The following OSBPL3 variants were observed in gnomAD, a reference collection of about 807,000 sequenced individuals.
OSBPL3 encodes oxysterol binding protein like 3.
Under a neutral mutation model 120.1 loss-of-function variants are expected in OSBPL3, and 65 were observed. That is an observed-to-expected ratio of 0.54 (90% CI 0.44 to 0.67). The LOEUF is 0.67. Among genes scored for constraint, OSBPL3 ranks in the 30% least tolerant of loss-of-function variants. The probability of loss-of-function intolerance (pLI) is 0.00; values close to 1 mark genes in which losing one functional copy is unlikely to be tolerated. For synonymous variants in OSBPL3, 416 were observed against 402.6 expected, an observed-to-expected ratio of 1.03 and a Z score of -0.40; for missense variants, 1,004 against 1,082.1, an observed-to-expected ratio of 0.93 and a Z score of 1.01.
At position 24,936,636 on chromosome 7, in the gene OSBPL3, GA is replaced by G. The variant is rs1296573511; in HGVS notation, c.-150+43249del. On this transcript the variant is annotated intron_variant, in intron 1 of 22. Transcript: ENST00000313367. The surrounding 1 kb of genome is among the most constrained non-coding windows in gnomAD (Gnocchi z 4.2). Reference sequence around the variant, plus strand: ...TGGCAAAGAGAAAATGAAAATAGGGGAAAGAGTCACTCTAGTCACAGAGACT... The same window carrying G: ...TGGCAAAGAGAAAATGAAAATAGGGGAAGAGTCACTCTAGTCACAGAGACT... Among the ~76,000 whole-genome samples the G allele has an allele frequency of 1.3e-5, 2 of 152,210 alleles. No individual in the cohort carries two copies. Among genetic ancestry groups the G allele is most frequent in the African/African-American group, 2.4e-5 (1 of 41,438 alleles).
At chr7:24,886,795 C>A (rs570547602) in intron 2 of OSBPL3, among the ~76,000 whole-genome samples, 31 of 152,312 alleles carry the variant, frequency 2.0e-4, no homozygotes, top group Non-Finnish European at 3.5e-4. Context: ...GAAGGCTTCT[C>A]TCAAATCCTG....
At chr7:24,846,138 A>G (rs1584351235) in intron 12 of OSBPL3, among the ~76,000 whole-genome samples, 1 of 152,272 alleles carries the variant, frequency 6.6e-6, no homozygotes, top group Admixed American at 6.5e-5. Flanking sequence ...TCTATGCTTG[A>G]GAGAGTTATT....
At chr7:24,865,781 C>T (rs193055312) in intron 6 of OSBPL3, among the ~76,000 whole-genome samples, 39 of 152,288 alleles carry the variant, frequency 2.6e-4, no homozygotes, top group African/African-American at 8.9e-4. Context: ...CTGTAGTTTA[C>T]AACCAGAAAA....
In OSBPL3 at chr7:24,803,696, A is replaced by G. The variant is rs1233937843; in HGVS notation, c.2567+619T>C. 6.6e-6 allele frequency among the ~76,000 whole-genome samples: 1 copy of G among 152,064 alleles called. No homozygotes were observed. Among genetic ancestry groups the G allele is most frequent in the Non-Finnish European group, 1.5e-5 (1 of 67,996 alleles). On this transcript the variant is annotated intron_variant, in intron 22 of 22. Coordinates refer to ENST00000313367, the MANE Select transcript of OSBPL3 (RefSeq NM_015550.4). This position sits in a 1 kb window ranked among gnomAD's most constrained non-coding sequence, Gnocchi z 4.2. ...TGAGGCAGGAGAATCGCTTGAACCCAGGAGGTGGAGGCTGCAGTGAGTCAA... is the reference window on the plus strand; with the variant it reads ...TGAGGCAGGAGAATCGCTTGAACCCGGGAGGTGGAGGCTGCAGTGAGTCAA...
chr7:24,892,563 T>C lies in OSBPL3; in HGVS notation c.-91A>G. ...TGGAAGTCCCCAGTGGCAGGTGGTT[T>C]AGCTCTTATCCAAAGTATTTAAAAA... On this transcript the variant is annotated 5_prime_UTR_variant, in exon 2 of 23. Transcript: ENST00000313367. The C allele has an allele frequency of 6.6e-7, 1 of 1,517,846 alleles. No homozygotes were observed. Among genetic ancestry groups the C allele is most frequent in the Non-Finnish European group, 8.9e-7 (1 of 1,120,090 alleles). 94.0% of individuals were successfully genotyped at this position (1,517,846 alleles called of 1,614,324 possible). A position where few individuals can be genotyped will look rare whatever the true frequency, so the allele number is the denominator to read the frequency against.
At chr7:24,892,166 T>C (rs370520239) in intron 2 of OSBPL3, among the ~76,000 whole-genome samples, 1 of 152,166 alleles carries the variant, frequency 6.6e-6, no homozygotes, top group African/African-American at 2.4e-5. Flanking sequence ...TAAATAAAAT[T>C]ATACGAAGAA....
At chr7:24,887,779 G>A (rs1375887458) in intron 2 of OSBPL3, among the ~76,000 whole-genome samples, 1 of 152,158 alleles carries the variant, frequency 6.6e-6, no homozygotes, top group Non-Finnish European at 1.5e-5. Context: ...TCCCCTGAAT[G>A]CAGACTCAGC....
At chr7:24,950,649 G>C (rs904093206) in intron 1 of OSBPL3, among the ~76,000 whole-genome samples, 3 of 152,254 alleles carry the variant, frequency 2.0e-5, no homozygotes, top group African/African-American at 7.2e-5. Flanking sequence ...ACGAACCCAA[G>C]AGGCGAAGCT....
chr7:24,963,590 T>G (rs1816033691), intron 1 of OSBPL3, among the ~76,000 whole-genome samples: 1 of 151,930 alleles, frequency 6.6e-6, no homozygotes, highest in Non-Finnish European at 1.5e-5. Flanking sequence ...GAGATGGGAG[T>G]ACACTGAACC....
intron 5 of OSBPL3, among the ~76,000 whole-genome samples, chr7:24,869,738 T>C (rs1801843753): frequency 6.6e-6 from 1 of 152,156 alleles, no homozygotes. Context: ...TAGGAAATAG[T>C]GAAGATTTGA....
chr7:24,901,420 G>T (rs1807013942), intron 1 of OSBPL3, among the ~76,000 whole-genome samples: 1 of 152,054 alleles, frequency 6.6e-6, no homozygotes, highest in Admixed American at 6.6e-5. Flanking sequence ...CCCTTATCCT[G>T]ATTAAGAGCC....
intron 1 of OSBPL3, among the ~76,000 whole-genome samples, chr7:24,958,307 C>T (rs1005105181): frequency 6.6e-6 from 1 of 152,180 alleles, no homozygotes; most frequent in Non-Finnish European, 1.5e-5. Context: ...GTTTTAATTG[C>T]TTTTTCTAAT....
intron 1 of OSBPL3, among the ~76,000 whole-genome samples, chr7:24,970,175 T>C (rs529692590): frequency 2.4e-4 from 36 of 147,260 alleles, no homozygotes; most frequent in African/African-American, 9.0e-4. Flanking sequence ...TGGCACCATC[T>C]TGGCTGACTG....
At position 24,970,192 on chromosome 7, in the gene OSBPL3, C is replaced by A. The variant is rs1178520187; in HGVS notation, c.-150+9694G>T. Among the ~76,000 whole-genome samples, 10 of 149,604 alleles carry A rather than the reference C, an allele frequency of 6.7e-5. No individual in the cohort carries two copies. The Admixed American group carries it at 6.7e-4, about 10-fold the overall frequency. On this transcript the variant is annotated intron_variant, in intron 1 of 22. Transcript: ENST00000313367. ...GCACCATCTTGGCTGACTGCAACCTCCACCTCCCCGGTTCAAGCGATTCTT... is the reference window on the plus strand; with the variant it reads ...GCACCATCTTGGCTGACTGCAACCTACACCTCCCCGGTTCAAGCGATTCTT...
chr7:24,808,688 G>A lies in OSBPL3; in HGVS notation c.2317+1119C>T, dbSNP rs1002622747. 6.6e-6 allele frequency among the ~76,000 whole-genome samples: 1 copy of A among 152,190 alleles called. No individual in the cohort carries two copies. The highest frequency in any genetic ancestry group is 2.4e-5 in the African/African-American group (1 of 41,440). On this transcript the variant is annotated intron_variant, in intron 20 of 22. Transcript: ENST00000313367. The surrounding 1 kb of genome is among the most constrained non-coding windows in gnomAD (Gnocchi z 4.6). Reference sequence around the variant, plus strand: ...CATTTCTCTTTCTTGCTTGCTAACAGAATACTGATTCTGTTCAAATGGCAT... The same window carrying A: ...CATTTCTCTTTCTTGCTTGCTAACAAAATACTGATTCTGTTCAAATGGCAT...
At position 24,899,866 on chromosome 7, in the gene OSBPL3, C is replaced by CT. The variant is rs1806726413; in HGVS notation, c.-149-7246dup. Among the ~76,000 whole-genome samples the CT allele has an allele frequency of 6.6e-6, 1 of 152,212 alleles. No homozygotes were observed. Among genetic ancestry groups the CT allele is most frequent in the Admixed American group, 6.5e-5 (1 of 15,280 alleles). On this transcript the variant is annotated intron_variant, in intron 1 of 22. Transcript: ENST00000313367. This position sits in a 1 kb window ranked among gnomAD's most constrained non-coding sequence, Gnocchi z 4.0. The stretch of plus-strand genomic sequence containing the variant: ...CTTTAGATGAGTTGAATCAGAATTT[C>CT]TATCTAGAGACGGGCCTGATAATCT...
At chr7:24,892,699 C>T (rs999145571) in intron 1 of OSBPL3, 78 bp from the exon 2 acceptor site, 15 of 1,032,012 alleles carry the variant, frequency 1.5e-5, no homozygotes, top group Non-Finnish European at 1.9e-5. Flanking sequence ...CTGCAAGTGG[C>T]TTAAACATAC....
chr7:24,941,035 T>G (rs1229043299), intron 1 of OSBPL3, among the ~76,000 whole-genome samples: 3 of 152,024 alleles, frequency 2.0e-5, no homozygotes, highest in South Asian at 2.1e-4. Context: ...TAGCCAGGAT[T>G]GTCTCGATCT....
rs17150481 is a variant in OSBPL3 at position 24,896,467 on chromosome 7, G to A, written c.-149-3846C>T. ...ATAAGCTGTCCTGGGGCTTCCACTA[G>A]GAAAAGAGAACCCTGATTTCTACCC... On this transcript the variant is annotated intron_variant, in intron 1 of 22. Transcript: ENST00000313367. The surrounding 1 kb of genome is among the most constrained non-coding windows in gnomAD (Gnocchi z 4.4). 6.6e-6 allele frequency among the ~76,000 whole-genome samples: 1 copy of A among 152,164 alleles called. No homozygotes were observed. The highest frequency in any genetic ancestry group is 1.9e-4 in the East Asian group (1 of 5,194).
Sources: gnomAD v4.1 joint callset for allele counts (sites outside exome capture counted in the v4.1 genomes callset) on GRCh38, gnomAD v4.1.1 for gene constraint, Gnocchi (gnomAD v3.1) non-coding constraint, MANE v1.5 for transcripts, NCBI Gene and HGNC (gene_info 2026-07-23, HGNC 2026-07-21) for gene names.